LARGE1: variants seen among roughly 807,000 people sequenced by gnomAD.
LARGE1 encodes the protein xylosyl- and glucuronyltransferase LARGE1.
A neutral mutation model predicts 87.6 loss-of-function variants in LARGE1; 43 were observed. The ratio of observed to expected loss-of-function variants is 0.49; its 90% CI spans 0.38 to 0.63. The LOEUF is 0.63. LARGE1 is among the 30% of genes least tolerant of loss of function. LARGE1 has a pLI of 0.00. For synonymous variants in LARGE1, 434 were observed against 394.6 expected (o/e 1.10, Z -1.18); for missense variants, 802 against 1,000.2 (o/e 0.80, Z 2.67).
intron 6 of LARGE1, among the ~76,000 whole-genome samples, chr22:33,463,728 C>T (rs931945862): frequency 4.6e-5 from 7 of 152,014 alleles, no homozygotes; most frequent in African/African-American, 1.2e-4. Context: ...GCTGGAGTGC[C>T]GTGGCGCAAC....
intron 10 of LARGE1, among the ~76,000 whole-genome samples, chr22:33,316,799 A>G (rs1276623452): frequency 2.0e-5 from 3 of 152,230 alleles, no homozygotes; most frequent in Admixed American, 2.0e-4. Flanking sequence ...CTGAGAAATG[A>G]GTCCCCTCTT....
At chr22:33,612,875 A>G (rs2079480954) in intron 4 of LARGE1, among the ~76,000 whole-genome samples, 1 of 152,208 alleles carries the variant, frequency 6.6e-6, no homozygotes, top group African/African-American at 2.4e-5. Flanking sequence ...AAGAGGAGCA[A>G]GCCCTTAAAG....
chr22:33,882,434 G>GC (rs1287827563), intron 1 of LARGE1, among the ~76,000 whole-genome samples: 4 of 151,962 alleles, frequency 2.6e-5, no homozygotes, highest in East Asian at 3.9e-4. Context: ...ATACCAAGAT[G>GC]CCCCCCCACA....
At chr22:33,445,790 T>C (rs188784616) in intron 6 of LARGE1, among the ~76,000 whole-genome samples, 1 of 152,096 alleles carries the variant, frequency 6.6e-6, no homozygotes, top group East Asian at 1.9e-4. Flanking sequence ...GCTGGGATTA[T>C]AGGCGCCTGC....
At chr22:33,532,033 G>C (rs570410662) in intron 6 of LARGE1, among the ~76,000 whole-genome samples, 1 of 152,316 alleles carries the variant, frequency 6.6e-6, no homozygotes, top group South Asian at 2.1e-4. Flanking sequence ...AATCAACTTA[G>C]ATGCCGTAGT....
At chr22:33,103,038 G>A in the LARGE1 span, among the ~76,000 whole-genome samples, 793 of 151,792 alleles carry the variant, frequency 5.2e-3, 6 homozygotes, top group Admixed American at 6.4e-3. Context: ...CCTGCCCCCC[G>A]CCCCGCCGGT....
chr22:33,492,264 C>T (rs906121494), intron 6 of LARGE1, among the ~76,000 whole-genome samples: 3 of 152,200 alleles, frequency 2.0e-5, no homozygotes, highest in Admixed American at 1.3e-4. Context: ...GAGCAAGAAG[C>T]TGGGGCTGCA....
rs1931324472 is a variant in LARGE1 at position 33,285,362 on chromosome 22, A to G, written c.1731-2014T>C. ...CATTGAAGGCCAGGCATGGTGGCTC[A>G]CGCCTGTAATCCCAGCCCTTCGGGA... On this transcript the variant is annotated intron_variant, in intron 12 of 14. Coordinates refer to ENST00000397394, the MANE Select transcript of LARGE1 (RefSeq NM_133642.5). Among the ~76,000 whole-genome samples, 3 of 152,188 alleles carry G rather than the reference A, an allele frequency of 2.0e-5. No homozygotes were observed. In the South Asian group the frequency reaches 6.2e-4, roughly 31 times the overall value.
intron 11 of LARGE1, among the ~76,000 whole-genome samples, chr22:33,311,489 G>C (rs1935584611): frequency 1.3e-5 from 2 of 152,202 alleles, no homozygotes; most frequent in African/African-American, 2.4e-5. Context: ...ATTAAGAAAA[G>C]GGAAATTAAT....
At chr22:33,824,302 G>T (rs944382340) in intron 1 of LARGE1, among the ~76,000 whole-genome samples, 1 of 152,172 alleles carries the variant, frequency 6.6e-6, no homozygotes. Context: ...AAGCATGGCT[G>T]GGAAGCCTCA....
intron 11 of LARGE1, among the ~76,000 whole-genome samples, chr22:33,203,384 C>T (rs542980295): frequency 6.6e-6 from 1 of 152,252 alleles, no homozygotes; most frequent in South Asian, 2.1e-4. Flanking sequence ...GTGAATTAGC[C>T]TTTCCCCTTG....
intron 1 of LARGE1, among the ~76,000 whole-genome samples, chr22:33,774,511 C>T (rs1203327673): frequency 6.6e-6 from 1 of 151,912 alleles, no homozygotes; most frequent in Admixed American, 6.6e-5. Context: ...CACGTGCCAC[C>T]ACACCCAGCT....
At chr22:33,214,072 C>T (rs1414525872) in intron 11 of LARGE1, among the ~76,000 whole-genome samples, 1 of 152,192 alleles carries the variant, frequency 6.6e-6, no homozygotes, top group African/African-American at 2.4e-5. Context: ...TCATGATCCA[C>T]CTTCTTTATT....
intron 1 of LARGE1, among the ~76,000 whole-genome samples, chr22:33,841,535 C>CT (rs1300666781): frequency 6.6e-6 from 1 of 152,206 alleles, no homozygotes; most frequent in Non-Finnish European, 1.5e-5. Flanking sequence ...GCTCCAACCT[C>CT]TGAGTTCAAG....
chr22:33,785,274 TGTATATATAC>T (rs923309330), intron 1 of LARGE1, among the ~76,000 whole-genome samples: 2 of 152,110 alleles, frequency 1.3e-5, no homozygotes, highest in Admixed American at 6.6e-5. Context: ...TGTGCATATG[TGTATATATAC>T]GTATATATGT....
chr22:33,567,327 A>C (rs1226384301), intron 5 of LARGE1, among the ~76,000 whole-genome samples: 1 of 152,232 alleles, frequency 6.6e-6, no homozygotes, highest in Non-Finnish European at 1.5e-5. Context: ...AAAGGACTCA[A>C]GGGCGTGGTA....
intron 11 of LARGE1, among the ~76,000 whole-genome samples, chr22:33,224,441 T>A (rs553612531): frequency 1.2e-4 from 19 of 152,246 alleles, no homozygotes; most frequent in African/African-American, 4.3e-4. Context: ...AGCGCTATTA[T>A]CTCCTTTAAA....
intron 1 of LARGE1, among the ~76,000 whole-genome samples, chr22:33,866,288 T>G (rs1426998130): frequency 6.6e-6 from 1 of 152,200 alleles, no homozygotes; most frequent in African/African-American, 2.4e-5. Context: ...AGACAGCATA[T>G]AGGGGGCTGT....
At chr22:33,703,467 C>A (rs978983407) in intron 2 of LARGE1, among the ~76,000 whole-genome samples, 1 of 152,088 alleles carries the variant, frequency 6.6e-6, no homozygotes, top group Non-Finnish European at 1.5e-5. Context: ...GTGAGTATCA[C>A]GTTACATAAC....
Sources: allele counts gnomAD v4.1 joint callset (sites outside exome capture counted in the v4.1 genomes callset), GRCh38; gene constraint gnomAD v4.1.1; transcripts MANE v1.5; gene names NCBI Gene and HGNC (gene_info 2026-07-23, HGNC 2026-07-21).